Variants in CLOCK observed in about 807,000 individuals in gnomAD.
CLOCK encodes the protein clock circadian regulator.
Under a neutral mutation model 118.4 loss-of-function variants are expected in CLOCK, and 43 were observed. That is an observed-to-expected ratio of 0.36 (90% confidence interval 0.28 to 0.47). The LOEUF (loss-of-function observed/expected upper bound fraction) is 0.47. Ranked by LOEUF, CLOCK falls within the 20% of genes least tolerant of loss-of-function variation. CLOCK has a pLI of 1.00. For missense variants in CLOCK, 846 were observed against 999.9 expected (o/e 0.85, Z 2.08); for synonymous variants, 326 against 339.2 (o/e 0.96, Z 0.43).
Position 55,428,748 on chromosome 4 carries a change from C to A in CLOCK, c.*6667G>T, listed in dbSNP as rs545669496. The A allele has an allele frequency of 1.3e-5, 2 of 151,710 alleles. No individual in the cohort carries two copies. The highest frequency in any genetic ancestry group is 2.9e-5 in the Non-Finnish European group (2 of 67,960). 9.4% of individuals were successfully genotyped at this position (151,710 alleles called of 1,614,324 possible). ...AATTTGGTGCATGTTTTAACAACTA[C>A]CAACTGATGTTAACAATGAAAAATT... On this transcript the variant is annotated 3_prime_UTR_variant, in exon 23 of 23. Transcript: ENST00000513440.
chr4:55,441,123 T>G (rs1331937186), intron 21 of CLOCK, among the ~76,000 whole-genome samples: 2 of 152,216 alleles, frequency 1.3e-5, no homozygotes, highest in African/African-American at 2.4e-5. Flanking sequence ...GATGCCATAC[T>G]CATCTAGGTA....
chr4:55,479,937 AC>A (rs1379798961), intron 4 of CLOCK, among the ~76,000 whole-genome samples: 10 of 152,228 alleles, frequency 6.6e-5, no homozygotes, highest in Admixed American at 5.2e-4. Context: ...TATTATGAAC[AC>A]ATCATGCTAA....
intron 1 of CLOCK, among the ~76,000 whole-genome samples, chr4:55,532,287 C>G (rs1413627797): frequency 3.3e-5 from 5 of 152,136 alleles, no homozygotes; most frequent in Non-Finnish European, 7.4e-5. Context: ...CTCATCACTT[C>G]TATTCAACAC....
chr4:55,530,057 G>A (rs1438701967), intron 1 of CLOCK, among the ~76,000 whole-genome samples: 1 of 152,010 alleles, frequency 6.6e-6, no homozygotes, highest in Non-Finnish European at 1.5e-5. Context: ...CATAGACTAA[G>A]AAATATTACC....
rs1269846883 is a variant in CLOCK at position 55,453,492 on chromosome 4, T to C, written c.1130+185A>G. 3 of 529,522 alleles carry C rather than the reference T, an allele frequency of 5.7e-6. No individual in the cohort carries two copies. In the African/African-American group the frequency reaches 5.7e-5, roughly 10 times the overall value. 32.8% of individuals were successfully genotyped at this position (529,522 alleles called of 1,614,324 possible). ...CAAAATTTATATCAAGACTTATATA[T>C]CTATATCATTCCTATATTTATATAT... On this transcript the variant is annotated intron_variant, in intron 14 of 22. Transcript: ENST00000513440.
At chr4:55,474,281 G>A (rs1726341040) in intron 7 of CLOCK, among the ~76,000 whole-genome samples, 1 of 152,176 alleles carries the variant, frequency 6.6e-6, no homozygotes, top group South Asian at 2.1e-4. Context: ...CTAATCCAGA[G>A]GCCTTAATGC....
Position 55,448,855 on chromosome 4 carries a change from T to C in CLOCK, c.1463A>G (p.Gln488Arg), listed in dbSNP as rs1469027767. The C allele has an allele frequency of 1.2e-6, 2 of 1,613,502 alleles. No homozygotes were observed. The highest frequency in any genetic ancestry group is 1.7e-5 in the Admixed American group (1 of 60,006). ...CTGTGTTAATGATGAACCAACAGAC[T>C]GGGAATTTATGGACTAGAGCAAAAT... The part of the protein sequence containing the change: ...SSFSSQSINS[Q>R]SVGSSLTQPV... The change falls in exon 18 of 23, where the codon CAG becomes CGG. Residue 488 changes from glutamine (Q) to arginine (R), a missense_variant. Around this residue, in one of 4 missense-constraint regions of CLOCK, gnomAD observed 520 missense variants for 558.0 expected, o/e 0.93. Coordinates refer to ENST00000513440, the MANE Select transcript of CLOCK (RefSeq NM_004898.4).
At chr4:55,516,924 A>G (rs1198007292) in intron 1 of CLOCK, among the ~76,000 whole-genome samples, 1 of 152,174 alleles carries the variant, frequency 6.6e-6, no homozygotes, top group Non-Finnish European at 1.5e-5. Flanking sequence ...TTCAAATAAC[A>G]CTAAACCACT....
At chr4:55,530,396 T>C (rs925753283) in intron 1 of CLOCK, among the ~76,000 whole-genome samples, 16 of 152,242 alleles carry the variant, frequency 1.1e-4, no homozygotes, top group Middle Eastern at 3.4e-3. Context: ...ATCAAGCAAT[T>C]ATGACCCAGG....
Position 55,429,117 on chromosome 4 carries a change from C to T in CLOCK, c.*6298G>A, listed in dbSNP as rs923914934. The T allele has an allele frequency of 6.6e-6, 1 of 151,918 alleles. No homozygotes were observed. Among genetic ancestry groups the T allele is most frequent in the African/African-American group, 2.4e-5 (1 of 41,368 alleles). 9.4% of individuals were successfully genotyped at this position (151,918 alleles called of 1,614,324 possible). On this transcript the variant is annotated 3_prime_UTR_variant, in exon 23 of 23. Transcript: ENST00000513440. ...TGGCATAACCATTGCCAGCAGTGAA[C>T]TTGCACTAGTCCAAGCCAACTCAAA...
intron 1 of CLOCK, among the ~76,000 whole-genome samples, chr4:55,528,264 T>C (rs1009325299): frequency 9.9e-5 from 15 of 151,952 alleles, no homozygotes; most frequent in African/African-American, 3.4e-4. Flanking sequence ...GAGAATCACT[T>C]GAACCCAGGA....
rs900683833 is a variant in CLOCK, at chr4:55,433,035, C to A, written c.*2380G>T. 6.6e-6 allele frequency: 1 copy of A among 152,606 alleles called. No individual in the cohort carries two copies. The highest frequency in any genetic ancestry group is 1.5e-5 in the Non-Finnish European group (1 of 68,018). The allele number at this position is 152,606 out of a possible 1,614,324, so 9.5% of individuals were successfully genotyped here. ...GCCTCAATATAATAGTTCTTCATAT[C>A]TTTTGTTAGCTAAATCCGTATCACT... On this transcript the variant is annotated 3_prime_UTR_variant, in exon 23 of 23. Coordinates refer to ENST00000513440, the MANE Select transcript of CLOCK (RefSeq NM_004898.4).
At chr4:55,470,597 T>C in intron 8 of CLOCK, 120 bp downstream of exon 8, 1 of 685,760 alleles carries the variant, frequency 1.5e-6, no homozygotes, top group African/African-American at 1.8e-5. Flanking sequence ...TACTTAGAGC[T>C]CTGATTCCTA....
At position 55,431,922 on chromosome 4, in the gene CLOCK, C is replaced by A. The variant is rs1242286155; in HGVS notation, c.*3493G>T. On this transcript the variant is annotated 3_prime_UTR_variant, in exon 23 of 23. Coordinates refer to ENST00000513440, the MANE Select transcript of CLOCK (RefSeq NM_004898.4). ...CCCTTCAACAGTGCTCTTGATGGAG[C>A]TGGACTGCTTCAGTGCTCCTAGCGT... 1 of 152,212 alleles carries A rather than the reference C, an allele frequency of 6.6e-6. No homozygotes were observed. Among genetic ancestry groups the A allele is most frequent in the Non-Finnish European group, 1.5e-5 (1 of 68,044 alleles). 9.4% of individuals were successfully genotyped at this position (152,212 alleles called of 1,614,324 possible).
chr4:55,482,239 G>A (rs1025988750), intron 4 of CLOCK, among the ~76,000 whole-genome samples: 1 of 151,978 alleles, frequency 6.6e-6, no homozygotes, highest in Non-Finnish European at 1.5e-5. Flanking sequence ...AACCCTCACT[G>A]CCCCCTTCCA....
chr4:55,499,375 C>G (rs112939416), intron 2 of CLOCK, among the ~76,000 whole-genome samples: 2 of 152,154 alleles, frequency 1.3e-5, no homozygotes, highest in Non-Finnish European at 2.9e-5. Context: ...CCATGGACAG[C>G]GGGGATGGTT....
intron 1 of CLOCK, among the ~76,000 whole-genome samples, chr4:55,521,244 A>C (rs1729828294): frequency 6.6e-6 from 1 of 152,040 alleles, no homozygotes; most frequent in African/African-American, 2.4e-5. Flanking sequence ...TTTGAGATGG[A>C]GTTTCACTCT....
chr4:55,447,366 A>AAC (rs1723948613), intron 18 of CLOCK, among the ~76,000 whole-genome samples: 1 of 152,216 alleles, frequency 6.6e-6, no homozygotes, highest in East Asian at 1.9e-4. Flanking sequence ...GTCGTCTCAA[A>AAC]AAAAAATTAA....
At chr4:55,538,928 T>A (rs567951609) in intron 1 of CLOCK, among the ~76,000 whole-genome samples, 2 of 152,310 alleles carry the variant, frequency 1.3e-5, no homozygotes, top group South Asian at 4.1e-4. Context: ...TAGAACTTAA[T>A]AGCCAGTGAA....
Sources: gnomAD v4.1 joint callset for allele counts (sites outside exome capture counted in the v4.1 genomes callset) on GRCh38, gnomAD v4.1.1 for gene constraint, gnomAD v4.1.1 regional missense constraint, MANE v1.5 for transcripts, NCBI Gene and HGNC (gene_info 2026-07-23, HGNC 2026-07-21) for gene names.